The following C1orf21 variants were observed in gnomAD, a reference collection of about 807,000 sequenced individuals.
The protein encoded by C1orf21 is chromosome 1 open reading frame 21, also known as uncharacterized protein C1orf21.
A neutral mutation model predicts 18.7 loss-of-function variants in C1orf21; 3 were observed. The ratio of observed to expected loss-of-function variants is 0.16; its 90% CI spans 0.07 to 0.42. The LOEUF (loss-of-function observed/expected upper bound fraction) is 0.42, where lower values mean the gene tolerates loss of function less well. C1orf21 is among the 10% of genes least tolerant of loss of function. The probability of loss-of-function intolerance (pLI) is 0.99; values close to 1 mark genes in which losing one functional copy is unlikely to be tolerated. For synonymous variants in C1orf21, 41 were observed against 46.4 expected (o/e 0.88, Z 0.47); for missense variants, 104 against 143.6 (o/e 0.72, Z 1.41).
chr1:184,432,916 A>G (rs1214886034), intron 1 of C1orf21, among the ~76,000 whole-genome samples: 4 of 152,210 alleles, frequency 2.6e-5, no homozygotes, highest in African/African-American at 9.7e-5. Flanking sequence ...ACAAGAGACA[A>G]GTTCCAGAAT....
chr1:184,609,762 A>G (rs1659700092), intron 5 of C1orf21, among the ~76,000 whole-genome samples: 1 of 152,242 alleles, frequency 6.6e-6, no homozygotes, highest in Non-Finnish European at 1.5e-5. Flanking sequence ...GAATTTTACA[A>G]GATAACGTTA....
At chr1:184,461,382 C>T (rs1362255294) in intron 1 of C1orf21, among the ~76,000 whole-genome samples, 3 of 152,144 alleles carry the variant, frequency 2.0e-5, no homozygotes, top group African/African-American at 4.8e-5. Flanking sequence ...AGAGCCCTGG[C>T]GGGTTAGGGA....
chr1:184,444,057 G>A (rs140221336), intron 1 of C1orf21, among the ~76,000 whole-genome samples: 1 of 152,266 alleles, frequency 6.6e-6, no homozygotes, highest in East Asian at 1.9e-4. Flanking sequence ...TTCAATTTGT[G>A]TAACCTGTGT....
intron 1 of C1orf21, among the ~76,000 whole-genome samples, chr1:184,460,641 T>G (rs377623882): frequency 2.0e-4 from 28 of 139,534 alleles, no homozygotes; most frequent in Non-Finnish European, 3.6e-4. Context: ...CTTCTTCTTC[T>G]TCTTCTTCTT....
chr1:184,424,071 T>G (rs1386403272), intron 1 of C1orf21, among the ~76,000 whole-genome samples: 1 of 152,200 alleles, frequency 6.6e-6, no homozygotes, highest in Non-Finnish European at 1.5e-5. Flanking sequence ...TTGGATTGAG[T>G]GAAATCTCCT....
intron 3 of C1orf21, among the ~76,000 whole-genome samples, chr1:184,544,474 A>G (rs1466589031): frequency 6.6e-6 from 1 of 152,236 alleles, no homozygotes; most frequent in Non-Finnish European, 1.5e-5. Flanking sequence ...TGTTGAGTTT[A>G]ATAATTTCTG....
chr1:184,462,630 G>A (rs901636768), intron 1 of C1orf21, among the ~76,000 whole-genome samples: 1 of 152,042 alleles, frequency 6.6e-6, no homozygotes, highest in African/African-American at 2.4e-5. Flanking sequence ...GAAAGCAGCT[G>A]CTATTCATAT....
chr1:184,577,947 G>GTTTT (rs201196718), intron 3 of C1orf21, among the ~76,000 whole-genome samples: 1,321 of 86,532 alleles, frequency 0.015, 57 homozygotes, highest in African/African-American at 0.041. Context: ...TTTTTGTTTT[G>GTTTT]TTTTTGTTTT....
At chr1:184,466,164 T>G (rs1657393592) in intron 1 of C1orf21, among the ~76,000 whole-genome samples, 1 of 152,226 alleles carries the variant, frequency 6.6e-6, no homozygotes, top group South Asian at 2.1e-4. Flanking sequence ...TCCTAATAGC[T>G]CATATCGTGT....
chr1:184,390,408 G>A (rs1655953884), intron 1 of C1orf21, among the ~76,000 whole-genome samples: 1 of 152,150 alleles, frequency 6.6e-6, no homozygotes, highest in African/African-American at 2.4e-5. Flanking sequence ...TGAGGGTATG[G>A]CAGGTCTGAT....
At chr1:184,388,334 A>G (rs1287123542) in intron 1 of C1orf21, among the ~76,000 whole-genome samples, 3 of 152,210 alleles carry the variant, frequency 2.0e-5, no homozygotes, top group Non-Finnish European at 4.4e-5. Flanking sequence ...ATAAACACGC[A>G]TTAATTCTGA....
At chr1:184,575,443 G>A (rs1659172186) in intron 3 of C1orf21, among the ~76,000 whole-genome samples, 1 of 151,988 alleles carries the variant, frequency 6.6e-6, no homozygotes, top group African/African-American at 2.4e-5. Context: ...GACTTCTGAT[G>A]GGAAGAGGTT....
At chr1:184,548,707 A>C (rs1021440532) in intron 3 of C1orf21, among the ~76,000 whole-genome samples, 1 of 152,162 alleles carries the variant, frequency 6.6e-6, no homozygotes, top group Non-Finnish European at 1.5e-5. Context: ...GATTTGGACA[A>C]ATTTGCAGGG....
At chr1:184,392,995 T>C (rs954273368) in intron 1 of C1orf21, among the ~76,000 whole-genome samples, 14 of 150,642 alleles carry the variant, frequency 9.3e-5, no homozygotes, top group African/African-American at 3.4e-4. Context: ...ACCTGGAGAG[T>C]TTTTGTGTTT....
chr1:184,488,374 G>C (rs943621333), intron 2 of C1orf21, among the ~76,000 whole-genome samples: 1 of 152,166 alleles, frequency 6.6e-6, no homozygotes, highest in Non-Finnish European at 1.5e-5. Context: ...CTATACATGA[G>C]TGTGTGTGTC....
intron 3 of C1orf21, chr1:184,567,506 G>GT (rs1340723162): frequency 1.5e-5 from 8 of 535,556 alleles, no homozygotes; most frequent in Non-Finnish European, 2.3e-5. Flanking sequence ...GCTGAGTGCA[G>GT]TGAACTCTAA....
intron 3 of C1orf21, among the ~76,000 whole-genome samples, chr1:184,508,905 T>G (rs1170764314): frequency 6.6e-6 from 1 of 152,208 alleles, no homozygotes; most frequent in Non-Finnish European, 1.5e-5. Context: ...ATTACCATAC[T>G]GCCTACATGG....
At chr1:184,416,114 A>G (rs914762800) in intron 1 of C1orf21, among the ~76,000 whole-genome samples, 4 of 152,204 alleles carry the variant, frequency 2.6e-5, no homozygotes, top group Non-Finnish European at 5.9e-5. Flanking sequence ...ATTTATTGAA[A>G]GGCTATCTAG....
intron 1 of C1orf21, among the ~76,000 whole-genome samples, chr1:184,428,604 T>G (rs921406688): frequency 1.3e-5 from 2 of 152,218 alleles, no homozygotes; most frequent in African/African-American, 2.4e-5. Context: ...TGCAGTTGAT[T>G]ATTGACCTTA....
Sources: allele counts gnomAD v4.1 joint callset (sites outside exome capture counted in the v4.1 genomes callset), GRCh38; gene constraint gnomAD v4.1.1; transcripts MANE v1.5; gene names NCBI Gene and HGNC (gene_info 2026-07-23, HGNC 2026-07-21).